B4GALNT3: variants seen among roughly 807,000 people sequenced by gnomAD.
B4GALNT3 encodes the protein beta-1,4-N-acetylgalactosaminyltransferase 3.
In B4GALNT3, 86 loss-of-function variants were observed where a neutral mutation model predicts 120.2. The ratio of observed to expected loss-of-function variants is 0.72; its 90% CI spans 0.60 to 0.86. B4GALNT3 has a LOEUF of 0.86. Ranked by LOEUF, B4GALNT3 falls within the 40% of genes least tolerant of loss-of-function variation. The probability of loss-of-function intolerance (pLI) is 0.00; values close to 1 mark genes in which losing one functional copy is unlikely to be tolerated. For missense variants in B4GALNT3, 1,167 were observed against 1,298.9 expected, an observed-to-expected ratio of 0.90 and a Z score of 1.56; for synonymous variants, 518 against 510.4, an observed-to-expected ratio of 1.01 and a Z score of -0.20.
At chr12:523,234 G>A (rs748122) in intron 1 of B4GALNT3, among the ~76,000 whole-genome samples, 11,267 of 152,016 alleles carry the variant, frequency 0.074, 1,398 homozygotes, top group African/African-American at 0.26. Flanking sequence ...ATGCCTAATC[G>A]GTTCTAGCAT....
At chr12:554,598 G>A (rs1192843488) in intron 14 of B4GALNT3, among the ~76,000 whole-genome samples, 28 of 150,824 alleles carry the variant, frequency 1.9e-4, no homozygotes, top group Non-Finnish European at 3.0e-4. Flanking sequence ...AGACCATCCT[G>A]GCTAACACGG....
Position 512,907 on chromosome 12 carries a change from G to A in B4GALNT3, c.170-22259G>A, listed in dbSNP as rs12831146. Among the ~76,000 whole-genome samples, 369 of 73,864 alleles carry A rather than the reference G, an allele frequency of 5.0e-3. 2 individuals are homozygous for A. Among genetic ancestry groups the A allele is most frequent in the African/African-American group, 0.018 (333 of 18,588 alleles). 48.5% of individuals were successfully genotyped at this position (73,864 alleles called of 152,430 possible). On this transcript the variant is annotated intron_variant, in intron 1 of 19. Coordinates refer to ENST00000266383, the MANE Select transcript of B4GALNT3 (RefSeq NM_173593.4). ...TTCCACCTTCTACCTTCCGCCTTCCGCTTTCCACCTTCTGCCTTCCACCTT... is the reference window on the plus strand; with the variant it reads ...TTCCACCTTCTACCTTCCGCCTTCCACTTTCCACCTTCTGCCTTCCACCTT...
intron 1 of B4GALNT3, among the ~76,000 whole-genome samples, chr12:512,561 A>G (rs1946597278): frequency 1.1e-5 from 1 of 93,030 alleles, no homozygotes; most frequent in Non-Finnish European, 2.1e-5. Context: ...TCGACCTTCC[A>G]CCTTCCACCT....
At chr12:466,618 C>A (rs1159065129) in intron 1 of B4GALNT3, among the ~76,000 whole-genome samples, 1 of 152,098 alleles carries the variant, frequency 6.6e-6, no homozygotes, top group Non-Finnish European at 1.5e-5. Flanking sequence ...GGGCACTGGG[C>A]TGCATGTGTT....
At chr12:470,678 GAA>G (rs1946127021) in intron 1 of B4GALNT3, among the ~76,000 whole-genome samples, 1 of 152,214 alleles carries the variant, frequency 6.6e-6, no homozygotes, top group Non-Finnish European at 1.5e-5. Context: ...AATGGGTAGA[GAA>G]ATGAGGGAAC....
rs570639106 is a variant in B4GALNT3 at position 508,328 on chromosome 12, G to A, written c.170-26838G>A. Among the ~76,000 whole-genome samples the A allele has an allele frequency of 4.9e-4, 74 of 152,184 alleles. 2 individuals carry two copies. The South Asian group carries it at 0.015, about 31-fold the overall frequency. On this transcript the variant is annotated intron_variant, in intron 1 of 19. Transcript: ENST00000266383. ...CTCCATCACCCAGGCCACCCAAGCTGGAGTTCAGTGATGCAATCATGGCTT... is the reference window on the plus strand; with the variant it reads ...CTCCATCACCCAGGCCACCCAAGCTAGAGTTCAGTGATGCAATCATGGCTT...
chr12:535,934 A>T (rs896233516), intron 2 of B4GALNT3, among the ~76,000 whole-genome samples: 2 of 152,232 alleles, frequency 1.3e-5, no homozygotes, highest in Middle Eastern at 3.4e-3. Flanking sequence ...GCTGGGGGAT[A>T]AGGAGGAAGA....
intron 1 of B4GALNT3, among the ~76,000 whole-genome samples, chr12:502,679 G>A (rs1946456937): frequency 6.6e-6 from 1 of 152,180 alleles, no homozygotes; most frequent in South Asian, 2.1e-4. Flanking sequence ...ATTTGCAGAG[G>A]GTAGCGACCC....
At position 553,830 on chromosome 12, in the gene B4GALNT3, A is replaced by C; in HGVS notation, c.1907A>C (p.Gln636Pro). ...TTTGACCCGGTAGTAAACTGGGACC[A>C]GACCTTCAGTGCCCGGAATCTCGAC... Reference protein sequence around the residue: ...PVFDPVVNWDQTFSARNLDFQ... With the variant: ...PVFDPVVNWDPTFSARNLDFQ... The change falls in exon 14 of 20, where the codon CAG (glutamine) becomes CCG (proline). Residue 636 changes from glutamine to proline, a missense_variant. Physicochemically the swap from Gln to Pro is moderately conservative, Grantham distance 76. Transcript: ENST00000266383. The C allele has an allele frequency of 6.2e-7, 1 of 1,614,270 alleles. No homozygotes were observed. Among genetic ancestry groups the C allele is most frequent in the South Asian group, 1.1e-5 (1 of 91,084 alleles).
rs1307669194 is a variant in B4GALNT3 at position 557,770 on chromosome 12, G to A, written c.2534+9G>A. 1 of 1,597,460 alleles carries A rather than the reference G, an allele frequency of 6.3e-7. No individual in the cohort carries two copies. The highest frequency in any genetic ancestry group is 8.5e-7 in the Non-Finnish European group (1 of 1,174,774). On this transcript the variant is annotated intron_variant, in intron 16 of 19. Coordinates refer to ENST00000266383, the MANE Select transcript of B4GALNT3 (RefSeq NM_173593.4). ...AGGTCCAAGCTGCGGAGGTGAGGGG[G>A]ACCACCAGCCAGGGGGTGGCATGGG...
At position 545,478 on chromosome 12, in the gene B4GALNT3, A is replaced by T; in HGVS notation, c.639+9A>T. 1 of 1,590,514 alleles carries T rather than the reference A, an allele frequency of 6.3e-7. No homozygotes were observed. The highest frequency in any genetic ancestry group is 8.6e-7 in the Non-Finnish European group (1 of 1,168,402). On this transcript the variant is annotated intron_variant, in intron 6 of 19. Coordinates refer to ENST00000266383, the MANE Select transcript of B4GALNT3 (RefSeq NM_173593.4). ...TGGCCAGTGTGGGCAAGGTAAGGCC[A>T]GCTCAACCCCGGTCCCTCCCATCTG...
intron 3 of B4GALNT3, among the ~76,000 whole-genome samples, chr12:541,100 G>C (rs1480223269): frequency 6.6e-6 from 1 of 152,210 alleles, no homozygotes; most frequent in African/African-American, 2.4e-5. Context: ...TAGAACGAGA[G>C]TTCTGGAAGC....
At chr12:544,019 G>A (rs372029551) in intron 3 of B4GALNT3, among the ~76,000 whole-genome samples, 208 of 103,736 alleles carry the variant, frequency 2.0e-3, no homozygotes, top group Non-Finnish European at 2.3e-3. Context: ...TCATCTTCCC[G>A]GAGCTGAGGA....
At chr12:516,222 C>T (rs1946654057) in intron 1 of B4GALNT3, among the ~76,000 whole-genome samples, 1 of 151,420 alleles carries the variant, frequency 6.6e-6, no homozygotes, top group African/African-American at 2.4e-5. Flanking sequence ...AGATTTTATA[C>T]ACATGCACAC....
intron 1 of B4GALNT3, among the ~76,000 whole-genome samples, chr12:489,918 C>G (rs1946325679): frequency 6.6e-6 from 1 of 152,206 alleles, no homozygotes; most frequent in African/African-American, 2.4e-5. Flanking sequence ...TGTCTGATCT[C>G]AGACCACGAT....
At chr12:528,826 G>A (rs1044986806) in intron 1 of B4GALNT3, among the ~76,000 whole-genome samples, 2 of 152,212 alleles carry the variant, frequency 1.3e-5, no homozygotes, top group African/African-American at 2.4e-5. Context: ...GTGGAACTGC[G>A]CCCTGGATGT....
At chr12:480,493 G>A (rs1053078429) in intron 1 of B4GALNT3, among the ~76,000 whole-genome samples, 3 of 152,240 alleles carry the variant, frequency 2.0e-5, no homozygotes, top group African/African-American at 7.2e-5. Context: ...TGGTTCCTGA[G>A]GTCCCCCTGA....
intron 1 of B4GALNT3, among the ~76,000 whole-genome samples, chr12:475,486 C>T (rs891710723): frequency 1.3e-5 from 2 of 152,164 alleles, no homozygotes; most frequent in Admixed American, 6.5e-5. Context: ...TAGCTTCACC[C>T]TCACTTCCTG....
chr12:460,583 G>T lies in B4GALNT3; in HGVS notation c.169+38G>T. 1 of 1,337,268 alleles carries T rather than the reference G, an allele frequency of 7.5e-7. No homozygotes were observed. The highest frequency in any genetic ancestry group is 3.1e-5 in the Admixed American group (1 of 31,920). The allele number at this position is 1,337,268 out of a possible 1,614,324, so 82.8% of individuals were successfully genotyped here. ...CAGGGGAGGCGAAGGGCGCGGGGGT[G>T]GGCGGCGGCGGCGGCTCCTGCGTTG... On this transcript the variant is annotated intron_variant, in intron 1 of 19. Transcript: ENST00000266383. The surrounding 1 kb of genome is among the most constrained non-coding windows in gnomAD (Gnocchi z 8.0).
Sources: allele counts gnomAD v4.1 joint callset (sites outside exome capture counted in the v4.1 genomes callset), GRCh38; gene constraint gnomAD v4.1.1; non-coding constraint Gnocchi (gnomAD v3.1); transcripts MANE v1.5; gene names NCBI Gene and HGNC (gene_info 2026-07-23, HGNC 2026-07-21).